ARPP21: variants seen among roughly 807,000 people sequenced by gnomAD.
The protein encoded by ARPP21 is cAMP-regulated phosphoprotein 21.
A neutral mutation model predicts 113.2 loss-of-function variants in ARPP21; 69 were observed. The observed-to-expected ratio is 0.61, with a 90% CI of 0.50 to 0.74. The LOEUF is 0.74. ARPP21 is among the 30% of genes least tolerant of loss of function. ARPP21 has a pLI of 0.00. For missense variants in ARPP21, 1,070 were observed against 1,037.4 expected (o/e 1.03, Z -0.43); for synonymous variants, 368 against 375.5 (o/e 0.98, Z 0.23).
intron 19 of ARPP21, among the ~76,000 whole-genome samples, chr3:35,786,145 G>GTA (rs1230974102): frequency 6.6e-6 from 1 of 152,074 alleles, no homozygotes; most frequent in Admixed American, 6.5e-5. Flanking sequence ...ATGATTTCAA[G>GTA]TATATATATT....
intron 14 of ARPP21, among the ~76,000 whole-genome samples, chr3:35,724,322 G>A (rs2150358799): frequency 1.3e-5 from 2 of 152,292 alleles, no homozygotes; most frequent in Middle Eastern, 6.8e-3. Flanking sequence ...AACCTCAGCT[G>A]TTTCTTGTTA....
intron 19 of ARPP21, among the ~76,000 whole-genome samples, chr3:35,789,346 A>G (rs1475039899): frequency 6.6e-6 from 1 of 152,216 alleles, no homozygotes; most frequent in East Asian, 1.9e-4. Flanking sequence ...ACATCCAGAC[A>G]GCTGCCTGTC....
chr3:35,731,249 G>A (rs2093937410), intron 15 of ARPP21, among the ~76,000 whole-genome samples: 1 of 152,148 alleles, frequency 6.6e-6, no homozygotes, highest in Non-Finnish European at 1.5e-5. Context: ...GCATGTGTAT[G>A]TGTATATTAT....
At chr3:35,645,555 A>C (rs908278514) in intron 1 of ARPP21, among the ~76,000 whole-genome samples, 1 of 151,912 alleles carries the variant, frequency 6.6e-6, no homozygotes, top group Non-Finnish European at 1.5e-5. Flanking sequence ...ATATCTACCT[A>C]GATAAGCCTA....
At chr3:35,650,675 A>C (rs1702038013) in intron 1 of ARPP21, among the ~76,000 whole-genome samples, 1 of 152,056 alleles carries the variant, frequency 6.6e-6, no homozygotes. Context: ...TGGTGGGAAT[A>C]GGCCACAAAG....
rs574990473 is a variant in ARPP21 at position 35,672,709 on chromosome 3, G to A, written c.-212-7078G>A. 1.2e-4 allele frequency among the ~76,000 whole-genome samples: 19 copies of A among 152,120 alleles called. No individual in the cohort carries two copies. The East Asian group carries it at 3.5e-3, about 28-fold the overall frequency. ...GGGAAGAGAATCTTTTTTACTACTT[G>A]GTTCAAATTTTGAGCTTTGTTAAAG... On this transcript the variant is annotated intron_variant, in intron 1 of 20. Transcript: ENST00000684406.
At chr3:35,684,868 A>G (rs1459777185) in intron 5 of ARPP21, 1 of 984,740 alleles carries the variant, frequency 1.0e-6, no homozygotes, top group South Asian at 4.7e-5. Flanking sequence ...GCTATCTTTC[A>G]GTGGCCATTA....
chr3:35,675,201 C>CTTTTTTTTTTTTTTTTTTTTTTTTTTTTG, intron 1 of ARPP21, among the ~76,000 whole-genome samples: 1 of 151,540 alleles, frequency 6.6e-6, no homozygotes, highest in African/African-American at 2.4e-5. Context: ...CACCACCTTT[C>CTTTTTTTTTTTTTTTTTTTTTTTTTTTTG]ATGTGGGTAA....
chr3:35,747,266 A>G (rs1376603847), intron 19 of ARPP21, among the ~76,000 whole-genome samples: 1 of 151,524 alleles, frequency 6.6e-6, no homozygotes, highest in Non-Finnish European at 1.5e-5. Context: ...GAGGCAGGAG[A>G]ATCGCTTGAA....
intron 19 of ARPP21, among the ~76,000 whole-genome samples, chr3:35,744,956 C>A (rs1221501806): frequency 6.6e-6 from 1 of 152,204 alleles, no homozygotes; most frequent in Non-Finnish European, 1.5e-5. Context: ...CTGCTAGCAT[C>A]CTGTCAGATT....
chr3:35,672,241 T>C (rs1204587870), intron 1 of ARPP21, among the ~76,000 whole-genome samples: 1 of 151,868 alleles, frequency 6.6e-6, no homozygotes, highest in East Asian at 1.9e-4. Flanking sequence ...CCCGGTATCC[T>C]ATCCAGAAGG....
intron 11 of ARPP21, among the ~76,000 whole-genome samples, chr3:35,711,444 T>C (rs1041398683): frequency 6.6e-6 from 1 of 152,236 alleles, no homozygotes; most frequent in Non-Finnish European, 1.5e-5. Context: ...TCTATCTGTA[T>C]AGCTCTGCTA....
At chr3:35,724,445 T>C (rs1273598154) in intron 14 of ARPP21, among the ~76,000 whole-genome samples, 1 of 152,172 alleles carries the variant, frequency 6.6e-6, no homozygotes, top group Non-Finnish European at 1.5e-5. Flanking sequence ...GTTTCTGAAC[T>C]TTAGCTCCAT....
At chr3:35,788,879 T>A (rs908401457) in intron 19 of ARPP21, among the ~76,000 whole-genome samples, 1 of 152,212 alleles carries the variant, frequency 6.6e-6, no homozygotes, top group Non-Finnish European at 1.5e-5. Context: ...AATGCAGACA[T>A]TTTAAATCTT....
At chr3:35,739,002 A>C in intron 17 of ARPP21, among the ~76,000 whole-genome samples, 1 of 152,134 alleles carries the variant, frequency 6.6e-6, no homozygotes, top group East Asian at 1.9e-4. Flanking sequence ...CAGAACATCA[A>C]GCCTTCCTTG....
At position 35,739,337 on chromosome 3, in the gene ARPP21, G is replaced by A; in HGVS notation, c.1770G>A (p.Gln590=). 4.3e-6 allele frequency: 7 copies of A among 1,614,110 alleles called. No individual in the cohort carries two copies. Among genetic ancestry groups the A allele is most frequent in the Non-Finnish European group, 5.9e-6 (7 of 1,179,996 alleles). ...HFPMRDDVAT[Q]FGQMTLSRQS... is the part of the protein sequence containing the mutation. ...TGCAGAGAGATGATGTGGCAACACA[G>A]TTTGGCCAGATGACCCTGAGCCGGC... The change falls in exon 18 of 21, where the codon CAG becomes CAA. Residue 590 remains glutamine (Q), a synonymous_variant. Transcript: ENST00000684406.
intron 19 of ARPP21, among the ~76,000 whole-genome samples, chr3:35,781,934 C>G (rs2096535161): frequency 1.3e-5 from 2 of 152,126 alleles, no homozygotes; most frequent in South Asian, 4.1e-4. Flanking sequence ...TTTCAATGAG[C>G]TATACATTAG....
chr3:35,689,543 G>A (rs1436172946), intron 7 of ARPP21, among the ~76,000 whole-genome samples, 158 bp downstream of exon 7: 1 of 151,442 alleles, frequency 6.6e-6, no homozygotes, highest in Non-Finnish European at 1.5e-5. Context: ...CTAATCGTTT[G>A]CATGTTTACT....
At chr3:35,780,582 A>G (rs2151719788) in intron 19 of ARPP21, among the ~76,000 whole-genome samples, 1 of 152,256 alleles carries the variant, frequency 6.6e-6, no homozygotes, top group Non-Finnish European at 1.5e-5. Context: ...GTGAGGGAAA[A>G]AAAATAATGA....
Sources: allele counts gnomAD v4.1 joint callset (sites outside exome capture counted in the v4.1 genomes callset), GRCh38; gene constraint gnomAD v4.1.1; transcripts MANE v1.5; gene names NCBI Gene and HGNC (gene_info 2026-07-23, HGNC 2026-07-21).